Variants in GRAMD2B observed in about 807,000 individuals in gnomAD.
GRAMD2B encodes GRAM domain-containing protein 2B.
A neutral mutation model predicts 59.2 loss-of-function variants in GRAMD2B; 41 were observed. The ratio of observed to expected loss-of-function variants is 0.69; its 90% confidence interval spans 0.54 to 0.90. GRAMD2B has a LOEUF of 0.90. Among genes scored for constraint, GRAMD2B ranks in the 40% least tolerant of loss-of-function variants. The probability of loss-of-function intolerance (pLI) is 0.00; values close to 1 mark genes in which losing one functional copy is unlikely to be tolerated. For missense variants in GRAMD2B, 424 were observed against 500.5 expected (o/e 0.85, Z 1.46); for synonymous variants, 161 against 182.7 (o/e 0.88, Z 0.96).
intron 1 of GRAMD2B, among the ~76,000 whole-genome samples, chr5:126,417,162 A>G (rs1420268864): frequency 6.6e-6 from 1 of 152,224 alleles, no homozygotes; most frequent in Admixed American, 6.5e-5. Flanking sequence ...TGGTATTCAC[A>G]TCTTGTGTAG....
intron 1 of GRAMD2B, among the ~76,000 whole-genome samples, chr5:126,412,249 C>T (rs1321454815): frequency 6.6e-6 from 1 of 151,982 alleles, no homozygotes; most frequent in African/African-American, 2.4e-5. Context: ...GTGGCTTTGT[C>T]CTAGATGGCT....
intron 2 of GRAMD2B, among the ~76,000 whole-genome samples, chr5:126,467,123 C>A (rs1486165710): frequency 6.6e-6 from 1 of 152,006 alleles, no homozygotes; most frequent in Middle Eastern, 3.2e-3. Context: ...AACCCCATCT[C>A]TACTAAAAAT....
chr5:126,478,518 A>G (rs1309256718), intron 6 of GRAMD2B, among the ~76,000 whole-genome samples: 3 of 152,202 alleles, frequency 2.0e-5, no homozygotes, highest in Non-Finnish European at 4.4e-5. Context: ...AAATGGGCAG[A>G]TCGCTTGAGT....
At chr5:126,421,861 T>C (rs538066231), upstream of GRAMD2B, among the ~76,000 whole-genome samples, 1 of 152,336 alleles carries the variant, frequency 6.6e-6, no homozygotes, top group South Asian at 2.1e-4. Context: ...GTATAGTCTT[T>C]GTAATACTCT....
At chr5:126,395,088 CT>C (rs33993359) in intron 1 of GRAMD2B, among the ~76,000 whole-genome samples, 118,046 of 150,774 alleles carry the variant, frequency 0.78, 46,665 homozygotes, top group Non-Finnish European at 0.85. Flanking sequence ...TAGAGTTACA[CT>C]TTTTTTTTTG....
At chr5:126,486,016 T>A (rs1326231642) in intron 11 of GRAMD2B, among the ~76,000 whole-genome samples, 1 of 152,218 alleles carries the variant, frequency 6.6e-6, no homozygotes, top group Non-Finnish European at 1.5e-5. Context: ...GTTGGGAAAT[T>A]GCTCTGTGAA....
chr5:126,430,031 C>G (rs116079509), intron 1 of GRAMD2B, among the ~76,000 whole-genome samples: 2,725 of 152,312 alleles, frequency 0.018, 40 homozygotes, highest in Middle Eastern at 0.061. Context: ...ACAGAACTGT[C>G]CTTTAACACC....
At chr5:126,400,560 A>G (rs945488740) in intron 1 of GRAMD2B, among the ~76,000 whole-genome samples, 4 of 152,166 alleles carry the variant, frequency 2.6e-5, no homozygotes, top group African/African-American at 7.2e-5. Context: ...TGAGTTACAC[A>G]TTTTCATATG....
intron 1 of GRAMD2B, among the ~76,000 whole-genome samples, chr5:126,373,101 T>C (rs1754903336): frequency 1.3e-5 from 2 of 151,170 alleles, no homozygotes; most frequent in African/African-American, 4.9e-5. Context: ...GAGTATTCAA[T>C]ATCAAATTTC....
At chr5:126,470,807 C>T (rs1276045607) in intron 3 of GRAMD2B, among the ~76,000 whole-genome samples, 1 of 152,210 alleles carries the variant, frequency 6.6e-6, no homozygotes, top group Non-Finnish European at 1.5e-5. Flanking sequence ...GATCCACCCA[C>T]CTCTGCATCC....
chr5:126,490,750 A>C (rs1478105584), intron 13 of GRAMD2B, among the ~76,000 whole-genome samples: 1 of 152,178 alleles, frequency 6.6e-6, no homozygotes, highest in Non-Finnish European at 1.5e-5. Flanking sequence ...CTTATACTCC[A>C]TACCAGCAAT....
At chr5:126,420,201 T>C (rs953199142), upstream of GRAMD2B, among the ~76,000 whole-genome samples, 1 of 152,186 alleles carries the variant, frequency 6.6e-6, no homozygotes, top group Admixed American at 6.5e-5. Flanking sequence ...AAACATATTT[T>C]AGGCATAATC....
chr5:126,455,426 GA>G lies in GRAMD2B; in HGVS notation c.84-9990del, dbSNP rs375783236. ...GCTTCTTCCTGCTGCCTGTACTTCA[GA>G]AAAAAAAAACAAACTGTTGGATTTC... On this transcript the variant is annotated intron_variant, in intron 1 of 13. Coordinates refer to ENST00000285689, the MANE Select transcript of GRAMD2B (RefSeq NM_023927.4). Among the ~76,000 whole-genome samples, 13 of 147,332 alleles carry G rather than the reference GA, an allele frequency of 8.8e-5. No homozygotes were observed. The East Asian group carries it at 9.8e-4, about 11-fold the overall frequency.
intron 1 of GRAMD2B, among the ~76,000 whole-genome samples, chr5:126,448,098 C>T (rs1443498204): frequency 1.3e-5 from 2 of 152,088 alleles, no homozygotes; most frequent in East Asian, 1.9e-4. Context: ...TCAAGTAACC[C>T]ACCCGCCTCA....
intron 1 of GRAMD2B, among the ~76,000 whole-genome samples, chr5:126,397,051 T>G (rs1757418404): frequency 6.6e-6 from 1 of 152,190 alleles, no homozygotes; most frequent in Admixed American, 6.5e-5. Context: ...TCTTGTAAAT[T>G]TAAGTTCCTT....
intron 1 of GRAMD2B, among the ~76,000 whole-genome samples, chr5:126,395,534 T>C (rs971270600): frequency 6.6e-6 from 1 of 152,194 alleles, no homozygotes; most frequent in African/African-American, 2.4e-5. Flanking sequence ...TTCACAAACA[T>C]GTCTTGATGG....
chr5:126,483,443 AT>A lies in GRAMD2B; in HGVS notation c.736-17del. ...ACTAAGGGAATATCAGCCTGTCTTC[AT>A]TTCACTGTTTCCTTTCAGGATTTCA... On this transcript the variant is annotated intron_variant, in intron 8 of 13. Transcript: ENST00000285689. 6.7e-7 allele frequency: 1 copy of A among 1,489,090 alleles called. No homozygotes were observed. The highest frequency in any genetic ancestry group is 9.4e-7 in the Non-Finnish European group (1 of 1,066,688). 92.2% of individuals were successfully genotyped at this position (1,489,090 alleles called of 1,614,324 possible).
At chr5:126,394,646 G>A (rs899404279) in intron 1 of GRAMD2B, among the ~76,000 whole-genome samples, 1 of 151,962 alleles carries the variant, frequency 6.6e-6, no homozygotes, top group African/African-American at 2.4e-5. Context: ...CTTTACTCTG[G>A]AGACGGGACA....
chr5:126,488,683 T>G (rs905924036), intron 12 of GRAMD2B, 116 bp from the exon 13 acceptor site: 2 of 650,102 alleles, frequency 3.1e-6, no homozygotes, highest in Admixed American at 2.9e-5. Context: ...ACAAATGAAA[T>G]GTTCATTCTC....
Sources: gnomAD v4.1 joint callset for allele counts (sites outside exome capture counted in the v4.1 genomes callset) on GRCh38, gnomAD v4.1.1 for gene constraint, MANE v1.5 for transcripts, NCBI Gene and HGNC (gene_info 2026-07-23, HGNC 2026-07-21) for gene names.